Variants in POLH observed in about 807,000 individuals in gnomAD.
POLH encodes DNA polymerase eta.
A neutral mutation model predicts 73.6 loss-of-function variants in POLH; 53 were observed. That is an observed-to-expected ratio of 0.72 (90% CI 0.58 to 0.91). The LOEUF is 0.91. POLH is among the 40% of genes least tolerant of loss of function. POLH has a pLI of 0.00. For synonymous variants in POLH, 292 were observed against 308.5 expected, an observed-to-expected ratio of 0.95 and a Z score of 0.56; for missense variants, 768 against 865.4, an observed-to-expected ratio of 0.89 and a Z score of 1.41.
Position 43,610,635 on chromosome 6 carries a change from G to C in POLH, c.1156G>C (p.Ala386Pro), listed in dbSNP as rs1767794188. 6.2e-7 allele frequency: 1 copy of C among 1,613,828 alleles called. No individual in the cohort carries two copies. Among genetic ancestry groups the C allele is most frequent in the Non-Finnish European group, 8.5e-7 (1 of 1,179,880 alleles). Residue 386 changes from alanine to proline, a missense_variant, in exon 10 of 11, where the codon GCC (alanine) becomes CCC (proline). By Grantham distance (27) the Ala-to-Pro change is conservative (BLOSUM62 -1). Coordinates refer to ENST00000372236, the MANE Select transcript of POLH (RefSeq NM_006502.3). The part of the protein sequence containing the change: ...KRLSSLRRCC[A>P]LTRYDAHKMS... ...CCTCAGCAGCCTGCGCCGCTGCTGT[G>C]CCCTTACCCGCTATGATGCTCACAA...
At chr6:43,605,443 CTTTTTTTT>C (rs540143863) in intron 9 of POLH, 124 bp downstream of exon 9, 19 of 296,244 alleles carry the variant, frequency 6.4e-5, no homozygotes, top group Middle Eastern at 1.3e-3. Flanking sequence ...CGTTTTCTTT[CTTTTTTTT>C]TTTTTTTTTT....
At chr6:43,582,952 T>C in intron 2 of POLH, 55 bp from the exon 3 acceptor site, 1 of 1,475,274 alleles carries the variant, frequency 6.8e-7, no homozygotes, top group Non-Finnish European at 9.4e-7. Context: ...ATGTTACTTG[T>C]TTTTGCTTGT....
Position 43,611,119 on chromosome 6 carries a change from C to T in POLH, c.1244+396C>T, listed in dbSNP as rs910952210. ...TAGACTCTGACTCAGACTACCAGTA[C>T]CTGTTACTCTGGGAGAAAATACAGT... is the stretch of plus-strand genomic sequence containing the variant. On this transcript the variant is annotated intron_variant, in intron 10 of 10. Transcript: ENST00000372236. 2.0e-5 allele frequency among the ~76,000 whole-genome samples: 3 copies of T among 152,162 alleles called. No individual in the cohort carries two copies. In the East Asian group the frequency reaches 5.8e-4, roughly 29 times the overall value.
At chr6:43,578,124 C>T (rs544244851) in intron 1 of POLH, among the ~76,000 whole-genome samples, 9 of 151,868 alleles carry the variant, frequency 5.9e-5, no homozygotes, top group Admixed American at 1.3e-4. Flanking sequence ...CGATGGCTCA[C>T]GCCTGTAATC....
chr6:43,590,249 T>C (rs1765295547), intron 4 of POLH, among the ~76,000 whole-genome samples: 1 of 151,776 alleles, frequency 6.6e-6, no homozygotes, highest in South Asian at 2.1e-4. Context: ...ATCCCAGCTA[T>C]TCGGGAGGCT....
chr6:43,596,688 G>A (rs1766100505), intron 4 of POLH, among the ~76,000 whole-genome samples: 1 of 152,186 alleles, frequency 6.6e-6, no homozygotes, highest in East Asian at 1.9e-4. Flanking sequence ...GGAAGACAAA[G>A]TTTGATTTTA....
intron 3 of POLH, among the ~76,000 whole-genome samples, chr6:43,584,898 T>C (rs879776288): frequency 6.6e-6 from 1 of 152,210 alleles, no homozygotes; most frequent in Middle Eastern, 3.4e-3. Context: ...CCTAGCACTT[T>C]GGGAGGCTGA....
intron 1 of POLH, among the ~76,000 whole-genome samples, chr6:43,579,368 T>G (rs1763756010): frequency 1.3e-5 from 2 of 152,226 alleles, no homozygotes; most frequent in Non-Finnish European, 2.9e-5. Context: ...CATATCTTTT[T>G]TGTCCAGTCA....
In POLH at chr6:43,583,242, C is replaced by T. The variant is rs150918143; in HGVS notation, c.272+101C>T. Reference sequence around the variant, plus strand: ...TGAATTTGTTCCATGTAAATAACACCGGAAAAAATTCTTTTTGGTTAGCCA... The same window carrying T: ...TGAATTTGTTCCATGTAAATAACACTGGAAAAAATTCTTTTTGGTTAGCCA... On this transcript the variant is annotated intron_variant, in intron 3 of 10. Coordinates refer to ENST00000372236, the MANE Select transcript of POLH (RefSeq NM_006502.3). The T allele has an allele frequency of 5.0e-5, 55 of 1,090,876 alleles. No individual in the cohort carries two copies. In the East Asian group the frequency reaches 5.5e-4, roughly 11 times the overall value. The allele number at this position is 1,090,876 out of a possible 1,614,324, so 67.6% of individuals were successfully genotyped here.
Position 43,617,603 on chromosome 6 carries a change from G to A in POLH, c.*3046G>A, listed in dbSNP as rs1054113359. On this transcript the variant is annotated 3_prime_UTR_variant, in exon 11 of 11. Transcript: ENST00000372236. ...GATTGTGCCACTGCACTCCAGTCTG[G>A]GCAACAGAGTGACACTGTTTAAAAA... Among the ~76,000 whole-genome samples, 6 of 151,184 alleles carry A rather than the reference G, an allele frequency of 4.0e-5. No individual in the cohort carries two copies. The highest frequency in any genetic ancestry group is 1.2e-4 in the African/African-American group (5 of 41,052).
At chr6:43,593,200 T>C (rs1268251465) in intron 4 of POLH, among the ~76,000 whole-genome samples, 3 of 152,188 alleles carry the variant, frequency 2.0e-5, no homozygotes, top group African/African-American at 7.2e-5. Context: ...TATTAAAGAT[T>C]ATAAAATTCA....
At position 43,616,873 on chromosome 6, in the gene POLH, A is replaced by T. The variant is rs1768384062; in HGVS notation, c.*2316A>T. The stretch of plus-strand genomic sequence containing the variant: ...AGATTGCTACTTGACTAGTTCAGGA[A>T]CTCTGTTTAGATCTGATAAGTCATA... On this transcript the variant is annotated 3_prime_UTR_variant, in exon 11 of 11. Coordinates refer to ENST00000372236, the MANE Select transcript of POLH (RefSeq NM_006502.3). Among the ~76,000 whole-genome samples the T allele has an allele frequency of 6.6e-6, 1 of 152,174 alleles. No individual in the cohort carries two copies. Among genetic ancestry groups the T allele is most frequent in the Non-Finnish European group, 1.5e-5 (1 of 68,034 alleles).
chr6:43,581,367 A>T (rs1439342105), intron 1 of POLH, among the ~76,000 whole-genome samples: 1 of 130,258 alleles, frequency 7.7e-6, no homozygotes, highest in Non-Finnish European at 1.6e-5. Flanking sequence ...CTCACTTCCT[A>T]GATGGGATGG....
chr6:43,592,605 C>T (rs572484573), intron 4 of POLH, among the ~76,000 whole-genome samples: 4 of 151,926 alleles, frequency 2.6e-5, no homozygotes, highest in South Asian at 2.1e-4. Flanking sequence ...TTAGTAGAGA[C>T]GGGGTTTCAC....
At chr6:43,597,997 G>A in intron 5 of POLH, 132 bp downstream of exon 5, 1 of 773,120 alleles carries the variant, frequency 1.3e-6, no homozygotes, top group Non-Finnish European at 2.2e-6. Context: ...TGGATCGCGT[G>A]AGCCCAGGAG....
intron 9 of POLH, among the ~76,000 whole-genome samples, chr6:43,606,310 C>T (rs979459854): frequency 6.6e-6 from 1 of 152,052 alleles, no homozygotes; most frequent in Non-Finnish European, 1.5e-5. Context: ...TTCCTCCTCC[C>T]CTCCCCCATC....
At chr6:43,597,991 T>C (rs1431321891) in intron 5 of POLH, 126 bp downstream of exon 5, 1 of 805,114 alleles carries the variant, frequency 1.2e-6, no homozygotes, top group African/African-American at 1.7e-5. Context: ...TGTGAGTGGA[T>C]CGCGTGAGCC....
At position 43,616,107 on chromosome 6, in the gene POLH, T is replaced by G. The variant is rs1340515002; in HGVS notation, c.*1550T>G. On this transcript the variant is annotated 3_prime_UTR_variant, in exon 11 of 11. Coordinates refer to ENST00000372236, the MANE Select transcript of POLH (RefSeq NM_006502.3). ...ATCGAGACCACGGTGAAACCCCGTC[T>G]CTACTAAAAAATACAAAAAAAAATT... Among the ~76,000 whole-genome samples the G allele has an allele frequency of 6.6e-6, 1 of 151,706 alleles. No individual in the cohort carries two copies. Among genetic ancestry groups the G allele is most frequent in the Non-Finnish European group, 1.5e-5 (1 of 67,908 alleles).
intron 9 of POLH, among the ~76,000 whole-genome samples, chr6:43,610,096 C>A (rs1582318028): frequency 1.7e-5 from 2 of 118,376 alleles, no homozygotes; most frequent in African/African-American, 3.3e-5. Flanking sequence ...GAGTCTTGCT[C>A]TGTCATCCAG....
Sources: gnomAD v4.1 joint callset for allele counts (sites outside exome capture counted in the v4.1 genomes callset) on GRCh38, gnomAD v4.1.1 for gene constraint, MANE v1.5 for transcripts, NCBI Gene and HGNC (gene_info 2026-07-23, HGNC 2026-07-21) for gene names.